CHAD: variants seen among roughly 807,000 people sequenced by gnomAD.
CHAD encodes the protein chondroadherin, also known as cartilage leucine-rich protein.
In CHAD, 18 loss-of-function variants were observed where a neutral mutation model predicts 24.0. That is an observed-to-expected ratio of 0.75 (90% CI 0.52 to 1.11). CHAD has a LOEUF of 1.11. Ranked by LOEUF, CHAD falls within the 50% of genes most tolerant of loss-of-function variation. The pLI is 0.00. For missense variants in CHAD, 440 were observed against 467.2 expected, an observed-to-expected ratio of 0.94 and a Z score of 0.54; for synonymous variants, 195 against 211.6, an observed-to-expected ratio of 0.92 and a Z score of 0.68.
chr17:50,465,993 C>T, intron 1 of CHAD, 123 bp from the exon 2 acceptor site: 2 of 1,068,816 alleles, frequency 1.9e-6, no homozygotes, highest in Non-Finnish European at 2.8e-6. Flanking sequence ...AGGAGTTTCC[C>T]AGTTTTCAAA....
At chr17:50,467,930 G>T in intron 1 of CHAD, 110 bp downstream of exon 1, 1 of 1,162,588 alleles carries the variant, frequency 8.6e-7, no homozygotes, top group Non-Finnish European at 1.2e-6. Flanking sequence ...GAGATAGCCA[G>T]AGGGACAGGG....
rs1234864211 is a variant in CHAD, at chr17:50,468,453, C to T, written c.361G>A (p.Asp121Asn). The part of the protein sequence containing the change: ...IRVLRAGAFD[D>N]LTELTYLYLD... ...TAGAGGTAGGTCAGCTCGGTCAGGT[C>T]GTCGAAGGCACCTGCGCGCAGCACG... The change falls in exon 1 of 4, where the codon GAC becomes AAC. Residue 121 changes from aspartate (D) to asparagine (N), a missense_variant. Asp to Asn is a conservative substitution (Grantham distance 23). Coordinates refer to ENST00000508540, the MANE Select transcript of CHAD (RefSeq NM_001267.3). The T allele has an allele frequency of 6.2e-7, 1 of 1,614,234 alleles. No individual in the cohort carries two copies. The highest frequency in any genetic ancestry group is 1.1e-5 in the South Asian group (1 of 91,082).
At chr17:50,467,322 G>C (rs1265800812) in intron 1 of CHAD, among the ~76,000 whole-genome samples, 1 of 152,184 alleles carries the variant, frequency 6.6e-6, no homozygotes, top group African/African-American at 2.4e-5. Flanking sequence ...TGGGGTCTTG[G>C]GCCAAGGATT....
chr17:50,464,637 C>G lies in CHAD; in HGVS notation c.*417G>C, dbSNP rs1474171242. On this transcript the variant is annotated 3_prime_UTR_variant, in exon 4 of 4. Transcript: ENST00000508540. The stretch of plus-strand genomic sequence containing the variant: ...AGAGTTGGGGCATGGGCTTTAAAAC[C>G]CTTTCTGGAAGCAAGGGGTGGGGCA... 4.0e-6 allele frequency: 2 copies of G among 498,108 alleles called. No homozygotes were observed. Among genetic ancestry groups the G allele is most frequent in the African/African-American group, 3.9e-5 (2 of 51,690 alleles). The allele number at this position is 498,108 out of a possible 1,614,324, so 30.9% of individuals were successfully genotyped here. A position where few individuals can be genotyped will look rare whatever the true frequency, so the allele number is the denominator to read the frequency against.
chr17:50,464,921 G>A lies in CHAD; in HGVS notation c.*133C>T, dbSNP rs541560582. On this transcript the variant is annotated 3_prime_UTR_variant, in exon 4 of 4. Transcript: ENST00000508540. ...AGTGCCCGAGGCCCCCTGCCAGGAC[G>A]TGTCTAGGTGTAGGCAGCTCTGTGC... 5.8e-6 allele frequency: 2 copies of A among 347,104 alleles called. No individual in the cohort carries two copies. The highest frequency in any genetic ancestry group is 2.4e-5 in the South Asian group (1 of 41,304). The allele number at this position is 347,104 out of a possible 1,614,324, so 21.5% of individuals were successfully genotyped here.
intron 1 of CHAD, 124 bp downstream of exon 1, chr17:50,467,916 C>G: frequency 1.0e-6 from 1 of 993,702 alleles, no homozygotes; most frequent in Non-Finnish European, 1.5e-6. Context: ...AGCTGCTCAC[C>G]TTGGAGATAG....
chr17:50,467,489 C>T (rs937864644), intron 1 of CHAD, among the ~76,000 whole-genome samples: 1 of 152,192 alleles, frequency 6.6e-6, no homozygotes, highest in African/African-American at 2.4e-5. Context: ...CCACCAGGGC[C>T]TCTATGGGGC....
At chr17:50,467,005 G>T (rs913826759) in intron 1 of CHAD, among the ~76,000 whole-genome samples, 1 of 152,140 alleles carries the variant, frequency 6.6e-6, no homozygotes, top group Non-Finnish European at 1.5e-5. Context: ...CTCCACACCC[G>T]CACCCTTTCC....
chr17:50,468,069 G>T lies in CHAD; in HGVS notation c.745C>A (p.Leu249Ile), dbSNP rs2032853305. The change falls in exon 1 of 4, where the codon CTC (leucine) becomes ATC (isoleucine). Residue 249 changes from leucine (L) to isoleucine (I), a missense_variant. Leu to Ile is a conservative substitution (Grantham distance 5). Coordinates refer to ENST00000508540, the MANE Select transcript of CHAD (RefSeq NM_001267.3). ...FQSFGRYLET[L>I]WLDNTNLEKF... is the part of the protein sequence containing the mutation. Reference sequence around the variant, plus strand: ...TCCAGGTTGGTGTTGTCCAGCCAGAGGGTCTCCAGGTATCTGCCAAAGGAC... The same window carrying T: ...TCCAGGTTGGTGTTGTCCAGCCAGATGGTCTCCAGGTATCTGCCAAAGGAC... The T allele has an allele frequency of 1.2e-6, 2 of 1,605,928 alleles. No individual in the cohort carries two copies. Among genetic ancestry groups the T allele is most frequent in the Non-Finnish European group, 8.5e-7 (1 of 1,174,204 alleles).
At position 50,468,221 on chromosome 17, in the gene CHAD, G is replaced by A. The variant is rs2032867037; in HGVS notation, c.593C>T (p.Ala198Val). Residue 198 changes from alanine to valine, a missense_variant, in exon 1 of 4, where the codon GCC (alanine) becomes GTC (valine). Physicochemically the swap from Ala to Val is moderately conservative, Grantham distance 64. Transcript: ENST00000508540. Reference protein sequence around the residue: ...PGALDDVENLAKFHVDRNQLS... With the variant: ...PGALDDVENLVKFHVDRNQLS... ...CTGGTTCCTGTCCACGTGGAATTTG[G>A]CGAGGTTCTCCACGTCGTCCAGGGC... The A allele has an allele frequency of 1.2e-6, 2 of 1,612,948 alleles. No individual in the cohort carries two copies. The highest frequency in any genetic ancestry group is 1.7e-5 in the Admixed American group (1 of 59,970).
chr17:50,464,605 G>A lies in CHAD; in HGVS notation c.*449C>T, dbSNP rs1480117919. 1.8e-6 allele frequency: 1 copy of A among 545,160 alleles called. No homozygotes were observed. Among genetic ancestry groups the A allele is most frequent in the Non-Finnish European group, 3.5e-6 (1 of 285,642 alleles). 33.8% of individuals were successfully genotyped at this position (545,160 alleles called of 1,614,324 possible). A position where few individuals can be genotyped will look rare whatever the true frequency, so the allele number is the denominator to read the frequency against. ...CTGCTAGAACGTCCTGGCAGGTGGG[G>A]GCTGGCAGAGTTGGGGCATGGGCTT... On this transcript the variant is annotated 3_prime_UTR_variant, in exon 4 of 4. Transcript: ENST00000508540.
At position 50,468,309 on chromosome 17, in the gene CHAD, C is replaced by G. The variant is rs1218142314; in HGVS notation, c.505G>C (p.Gly169Arg). ...TAGAGCCAGCGCAGGTCCTTGGCTC[C>G]CTGGAAGGCGCCTGCGCGCAGCTCA... is the stretch of plus-strand genomic sequence containing the variant. ...IRELRAGAFQ[G>R]AKDLRWLYLS... is the part of the protein sequence containing the mutation. Residue 169 changes from glycine to arginine, a missense_variant, in exon 1 of 4, where the codon GGA (glycine) becomes CGA (arginine). Coordinates refer to ENST00000508540, the MANE Select transcript of CHAD (RefSeq NM_001267.3). 1.9e-6 allele frequency: 3 copies of G among 1,613,924 alleles called. No homozygotes were observed. Among genetic ancestry groups the G allele is most frequent in the East Asian group, 2.2e-5 (1 of 44,852 alleles).
rs34405131 is a variant in CHAD, at chr17:50,465,416, C to T, written c.962G>A (p.Arg321His). The T allele has an allele frequency of 9.0e-5, 145 of 1,613,744 alleles. No homozygotes were observed. In the Admixed American group the frequency reaches 1.5e-3, roughly 17 times the overall value. ...LRRWLEAKAS[R>H]PDATCASPAK... is the part of the protein sequence containing the mutation. The stretch of plus-strand genomic sequence containing the variant: ...AGGTGAGGCACAGGTGGCATCTGGG[C>T]GGGAGGCCTTGGCTTCCAGCCACCT... Residue 321 changes from arginine (R) to histidine (H), a missense_variant, in exon 3 of 4, where the codon CGC becomes CAC. Arg to His is a conservative substitution (Grantham distance 29, BLOSUM62 0). Transcript: ENST00000508540.
chr17:50,465,443 G>A lies in CHAD; in HGVS notation c.939-4C>T, dbSNP rs1233176246. On this transcript the variant is annotated splice_polypyrimidine_tract_variant and splice_region_variant and intron_variant, in intron 2 of 3. Coordinates refer to ENST00000508540, the MANE Select transcript of CHAD (RefSeq NM_001267.3). The stretch of plus-strand genomic sequence containing the variant: ...GGAGGCCTTGGCTTCCAGCCACCTG[G>A]AGAGACAGAAACTTGCTGGGGCTGG... 1 of 1,613,770 alleles carries A rather than the reference G, an allele frequency of 6.2e-7. No homozygotes were observed.
At chr17:50,465,653 T>G (rs1320431537) in intron 2 of CHAD, 54 bp downstream of exon 2, 8 of 1,599,170 alleles carry the variant, frequency 5.0e-6, no homozygotes, top group Non-Finnish European at 6.8e-6. Context: ...GCAGGGCTAA[T>G]GTGCCTCTAT....
Position 50,465,131 on chromosome 17 carries a change from C to G in CHAD, c.*5-82G>C, listed in dbSNP as rs184438402. The G allele has an allele frequency of 8.2e-4, 603 of 731,556 alleles. 4 individuals carry two copies. In the Middle Eastern group the frequency reaches 0.01, roughly 13 times the overall value. The allele number at this position is 731,556 out of a possible 1,614,324, so 45.3% of individuals were successfully genotyped here. On this transcript the variant is annotated intron_variant, in intron 3 of 3. Coordinates refer to ENST00000508540, the MANE Select transcript of CHAD (RefSeq NM_001267.3). Reference sequence around the variant, plus strand: ...AAAATGGTGGAAGTCCTGGGCAGGACCTTTTCCTCCCTTCAACAGGGGACC... The same window carrying G: ...AAAATGGTGGAAGTCCTGGGCAGGAGCTTTTCCTCCCTTCAACAGGGGACC...
rs756610333 is a variant in CHAD at position 50,465,708 on chromosome 17, G to A, written c.937C>T (p.Arg313Trp). The A allele has an allele frequency of 4.8e-5, 78 of 1,613,240 alleles. No individual in the cohort carries two copies. The highest frequency in any genetic ancestry group is 1.1e-4 in the South Asian group (10 of 91,016). ...KCTCQLRGLR[R>W]WLEAKASRPD... ...GGAGTGACATGGAAGTGTTCTTACC[G>A]CCGAAGGCCCCGGAGCTGGCAGGTA... The change falls in exon 2 of 4, where the codon CGG becomes TGG. Residue 313 changes from arginine to tryptophan, a missense_variant and splice_region_variant. Coordinates refer to ENST00000508540, the MANE Select transcript of CHAD (RefSeq NM_001267.3).
intron 1 of CHAD, among the ~76,000 whole-genome samples, chr17:50,466,862 C>CGG (rs2032762508): frequency 6.6e-6 from 1 of 152,240 alleles, no homozygotes; most frequent in South Asian, 2.1e-4. Context: ...TGAAAGACCA[C>CGG]TCTGGCACTG....
intron 1 of CHAD, among the ~76,000 whole-genome samples, chr17:50,466,097 T>G (rs1189620739): frequency 6.8e-6 from 1 of 147,840 alleles, no homozygotes; most frequent in Non-Finnish European, 1.5e-5. Context: ...TTTCCTTTTT[T>G]TTTTTTTGAG....
Sources: gnomAD v4.1 joint callset for allele counts (sites outside exome capture counted in the v4.1 genomes callset) on GRCh38, gnomAD v4.1.1 for gene constraint, MANE v1.5 for transcripts, NCBI Gene and HGNC (gene_info 2026-07-23, HGNC 2026-07-21) for gene names.